The following SLC9D1 variants were observed in gnomAD, a reference collection of about 807,000 sequenced individuals.
The protein encoded by SLC9D1 is putative LAG1-interacting protein.
the SLC9D1 span, chr13:113,503,498 T>G: frequency 1.2e-6 from 2 of 1,609,548 alleles, no homozygotes; most frequent in Non-Finnish European, 1.7e-6. Context: ...TTTTTCAGTC[T>G]ATTGTGCAAG....
the SLC9D1 span, among the ~76,000 whole-genome samples, chr13:113,544,455 C>T: frequency 3.9e-5 from 6 of 152,250 alleles, no homozygotes; most frequent in African/African-American, 1.2e-4. Context: ...GATGAGGGTT[C>T]GCCAGCTGCG....
At chr13:113,525,859 C>T in the SLC9D1 span, among the ~76,000 whole-genome samples, 2 of 150,636 alleles carry the variant, frequency 1.3e-5, no homozygotes, top group Non-Finnish European at 3.0e-5. Context: ...AACAAGCCAT[C>T]GTCGTCGTAG....
chr13:113,511,016 G>T, the SLC9D1 span, among the ~76,000 whole-genome samples: 2 of 126,944 alleles, frequency 1.6e-5, no homozygotes, highest in African/African-American at 6.7e-5. Flanking sequence ...GCCTAGGCAG[G>T]ACCGTGTCCC....
At chr13:113,515,657 C>T in the SLC9D1 span, among the ~76,000 whole-genome samples, 1 of 151,876 alleles carries the variant, frequency 6.6e-6, no homozygotes, top group African/African-American at 2.4e-5. Flanking sequence ...TTTGGGAGGC[C>T]GAGGCGGGCG....
At chr13:113,533,047 C>T in the SLC9D1 span, among the ~76,000 whole-genome samples, 1 of 31,736 alleles carries the variant, frequency 3.2e-5, no homozygotes, top group Non-Finnish European at 5.7e-5. Flanking sequence ...AAGGACGCTG[C>T]CTCCCTCCTG....
chr13:113,525,925 C>G, the SLC9D1 span, among the ~76,000 whole-genome samples: 5 of 151,438 alleles, frequency 3.3e-5, no homozygotes, highest in Admixed American at 6.6e-5. Context: ...TCGTAGGAGA[C>G]GACAGCTCTG....
chr13:113,502,014 A>C, the SLC9D1 span: 1 of 718,322 alleles, frequency 1.4e-6, no homozygotes, highest in Admixed American at 2.9e-5. Context: ...ATGTCCTTTC[A>C]GGTGTCACGG....
the SLC9D1 span, chr13:113,504,380 T>C: frequency 1.3e-5 from 2 of 152,228 alleles, no homozygotes; most frequent in Admixed American, 1.3e-4. Flanking sequence ...CAGGTGGTGT[T>C]TGGTTACATG....
the SLC9D1 span, chr13:113,535,322 T>G: frequency 6.6e-6 from 1 of 152,170 alleles, no homozygotes; most frequent in Non-Finnish European, 1.5e-5. This position sits in a 1 kb window ranked among gnomAD's most constrained non-coding sequence, Gnocchi z 4.1. Flanking sequence ...AGTCTTTACA[T>G]GAGAGTGGCG....
the SLC9D1 span, chr13:113,550,158 G>A: frequency 1.3e-5 from 2 of 153,038 alleles, no homozygotes; most frequent in African/African-American, 4.8e-5. Context: ...ACAAGAATAT[G>A]TATTCTTTAA....
the SLC9D1 span, chr13:113,499,881 C>A: frequency 1.2e-6 from 1 of 820,632 alleles, no homozygotes; most frequent in Non-Finnish European, 1.7e-6. Flanking sequence ...TTTTAACATT[C>A]TTCTGTTTAG....
At chr13:113,547,313 C>T in the SLC9D1 span, 1 of 1,614,070 alleles carries the variant, frequency 6.2e-7, no homozygotes, top group South Asian at 1.1e-5. Context: ...TCCACGTGTT[C>T]CCCACGTTTG....
the SLC9D1 span, among the ~76,000 whole-genome samples, chr13:113,493,943 G>C: frequency 1.3e-5 from 2 of 152,180 alleles, no homozygotes; most frequent in African/African-American, 4.8e-5. Context: ...GCCATTTCAT[G>C]GTTTGGGCAG....
the SLC9D1 span, chr13:113,529,734 C>T: frequency 6.6e-6 from 1 of 152,132 alleles, no homozygotes; most frequent in Admixed American, 6.5e-5. Context: ...TCCCATTTGA[C>T]CCAGCTGTTC....
the SLC9D1 span, among the ~76,000 whole-genome samples, chr13:113,543,666 T>A: frequency 6.7e-6 from 1 of 149,764 alleles, no homozygotes. Context: ...TTTCCCACAT[T>A]GCTCCAGCCC....
the SLC9D1 span, chr13:113,496,080 G>T: frequency 1.6e-6 from 2 of 1,216,064 alleles, no homozygotes; most frequent in South Asian, 2.8e-5. Flanking sequence ...GAGGTGAAGA[G>T]AGAGGGAGAG....
the SLC9D1 span, chr13:113,511,600 G>A: frequency 1.3e-5 from 2 of 152,356 alleles, no homozygotes; most frequent in African/African-American, 2.4e-5. Context: ...GGGTGGCCCC[G>A]GCCATGGGCC....
chr13:113,531,566 C>T, the SLC9D1 span, among the ~76,000 whole-genome samples: 1 of 148,776 alleles, frequency 6.7e-6, no homozygotes, highest in African/African-American at 2.5e-5. Flanking sequence ...CTGCAGGTGG[C>T]ACGGCACCCC....
At chr13:113,496,039 AGG>A in the SLC9D1 span, 2 of 1,564,416 alleles carry the variant, frequency 1.3e-6, no homozygotes, top group South Asian at 1.1e-5. Context: ...AGTCCTAGAG[AGG>A]GAGAGAGAGA....
Sources: gnomAD v4.1 joint callset for allele counts (sites outside exome capture counted in the v4.1 genomes callset) on GRCh38, gnomAD v4.1.1 for gene constraint, Gnocchi (gnomAD v3.1) non-coding constraint, MANE v1.5 for transcripts, NCBI Gene and HGNC (gene_info 2026-07-23, HGNC 2026-07-21) for gene names.